The following MATN2 variants were observed in gnomAD, a reference collection of about 807,000 sequenced individuals.
The protein encoded by MATN2 is matrilin 2, also known as matrilin-2.
A neutral mutation model predicts 103.2 loss-of-function variants in MATN2; 69 were observed. The ratio of observed to expected loss-of-function variants is 0.67; its 90% CI spans 0.55 to 0.82. The LOEUF is 0.82. MATN2 is among the 40% of genes least tolerant of loss of function. The pLI is 0.00. For synonymous variants in MATN2, 429 were observed against 450.2 expected, an observed-to-expected ratio of 0.95 and a Z score of 0.60; for missense variants, 1,023 against 1,211.5, an observed-to-expected ratio of 0.84 and a Z score of 2.31.
chr8:97,873,230 A>G (rs1817958256), intron 1 of MATN2, among the ~76,000 whole-genome samples: 1 of 152,256 alleles, frequency 6.6e-6, no homozygotes, highest in Admixed American at 6.5e-5. Flanking sequence ...TTTAGAAAAA[A>G]GAAAGAAATA....
chr8:97,981,017 A>C (rs190652810), intron 6 of MATN2, among the ~76,000 whole-genome samples: 1 of 149,248 alleles, frequency 6.7e-6, no homozygotes, highest in Non-Finnish European at 1.5e-5. Flanking sequence ...TTCTACAAAA[A>C]CTGTTTTTTT....
chr8:97,917,055 T>C (rs905895533), intron 2 of MATN2, among the ~76,000 whole-genome samples: 5 of 152,282 alleles, frequency 3.3e-5, no homozygotes, highest in Admixed American at 2.0e-4. Flanking sequence ...AAATTTGAGC[T>C]GGTGTGAACC....
chr8:97,964,029 G>A (rs1811401777), intron 5 of MATN2, among the ~76,000 whole-genome samples: 1 of 152,184 alleles, frequency 6.6e-6, no homozygotes, highest in African/African-American at 2.4e-5. Context: ...AGATCTGAGT[G>A]TGGAAGGAAG....
intron 6 of MATN2, among the ~76,000 whole-genome samples, chr8:97,991,394 C>T (rs1293432623): frequency 6.6e-6 from 1 of 152,200 alleles, no homozygotes; most frequent in African/African-American, 2.4e-5. Context: ...GCTGGGACTA[C>T]AGGCAGGTGC....
At chr8:97,986,317 G>C (rs1024175963) in intron 6 of MATN2, among the ~76,000 whole-genome samples, 3 of 152,104 alleles carry the variant, frequency 2.0e-5, no homozygotes, top group Non-Finnish European at 4.4e-5. Context: ...GATTTCAATA[G>C]GTTTTTGGGG....
At chr8:97,959,737 T>A (rs1563692169) in intron 4 of MATN2, among the ~76,000 whole-genome samples, 3 of 152,246 alleles carry the variant, frequency 2.0e-5, no homozygotes, top group Non-Finnish European at 4.4e-5. Context: ...TAAGTTTTAA[T>A]GTTTAAAATT....
intron 2 of MATN2, among the ~76,000 whole-genome samples, chr8:97,896,545 A>G (rs1272855545): frequency 7.1e-6 from 1 of 140,896 alleles, no homozygotes; most frequent in Non-Finnish European, 1.6e-5. Flanking sequence ...GTTCAGGCAG[A>G]ACAGTGGGCT....
intron 5 of MATN2, among the ~76,000 whole-genome samples, chr8:97,966,505 A>AT (rs996818091): frequency 1.8e-4 from 27 of 151,954 alleles, no homozygotes; most frequent in Admixed American, 3.9e-4. Context: ...TGTTGAGACT[A>AT]TAGTGAGCCA....
intron 1 of MATN2, among the ~76,000 whole-genome samples, chr8:97,874,445 G>A (rs1329255927): frequency 7.0e-6 from 1 of 143,702 alleles, no homozygotes; most frequent in African/African-American, 2.6e-5. Flanking sequence ...TTGCTCTGTC[G>A]CCCGGGCTAT....
intron 5 of MATN2, 81 bp from the exon 6 acceptor site, chr8:97,978,805 T>C: frequency 3.1e-6 from 4 of 1,271,374 alleles, no homozygotes; most frequent in Non-Finnish European, 3.4e-6. Context: ...AATTAATATC[T>C]GTTATCATTT....
At chr8:98,002,322 C>T (rs10955140) in intron 7 of MATN2, among the ~76,000 whole-genome samples, 94,596 of 152,122 alleles carry the variant, frequency 0.62, 30,144 homozygotes, top group African/African-American at 0.71. Context: ...TCCAGTCCCA[C>T]GATACTATGC....
chr8:97,998,133 T>TA (rs1812652688), intron 7 of MATN2, among the ~76,000 whole-genome samples: 1 of 151,194 alleles, frequency 6.6e-6, no homozygotes, highest in Non-Finnish European at 1.5e-5. Context: ...AAGGGTGGTA[T>TA]TTGAATAGCT....
chr8:97,971,545 T>G (rs777922067), intron 5 of MATN2, among the ~76,000 whole-genome samples: 29 of 152,232 alleles, frequency 1.9e-4, no homozygotes, highest in Non-Finnish European at 4.1e-4. Flanking sequence ...CCTGAATTTA[T>G]AATTCATCAG....
In MATN2 at chr8:98,032,337, GT is replaced by G. The variant is rs1563738456; in HGVS notation, c.2581+25del. 7.5e-6 allele frequency: 12 copies of G among 1,594,326 alleles called. No homozygotes were observed. The highest frequency in any genetic ancestry group is 2.3e-5 in the East Asian group (1 of 44,204). On this transcript the variant is annotated intron_variant, in intron 16 of 18. Transcript: ENST00000254898. ...CAACAGGTACAGTTTTTAAGGCAGTGTTTTTAGAAATTTTGGTGGAGGGAAC... is the reference window on the plus strand; with the variant it reads ...CAACAGGTACAGTTTTTAAGGCAGTGTTTTAGAAATTTTGGTGGAGGGAAC...
intron 5 of MATN2, among the ~76,000 whole-genome samples, chr8:97,976,402 C>G (rs1324792742): frequency 6.6e-6 from 1 of 152,202 alleles, no homozygotes; most frequent in African/African-American, 2.4e-5. Context: ...AGCCACCATG[C>G]CTGGCCTAGA....
intron 2 of MATN2, among the ~76,000 whole-genome samples, chr8:97,895,058 A>G (rs1204686308): frequency 1.3e-5 from 2 of 152,056 alleles, no homozygotes. Context: ...TTTTTAGTAG[A>G]GACGGGGTTT....
In MATN2 at chr8:98,005,388, C is replaced by T. The variant is rs764725216; in HGVS notation, c.1327+1605C>T. Among the ~76,000 whole-genome samples, 3 of 152,068 alleles carry T rather than the reference C, an allele frequency of 2.0e-5. No homozygotes were observed. Among genetic ancestry groups the T allele is most frequent in the South Asian group, 2.1e-4 (1 of 4,818 alleles). On this transcript the variant is annotated intron_variant, in intron 8 of 18. Coordinates refer to ENST00000254898, the MANE Select transcript of MATN2 (RefSeq NM_002380.5). This position sits in a 1 kb window ranked among gnomAD's most constrained non-coding sequence, Gnocchi z 4.6. ...ATCTGTGTGTATCCTGCCTGTTTCC[C>T]GGAGTGTCAGGTCTGCCAGCTGATG... is the stretch of plus-strand genomic sequence containing the variant.
At chr8:97,898,441 C>CA (rs998756823) in intron 2 of MATN2, among the ~76,000 whole-genome samples, 27 of 151,866 alleles carry the variant, frequency 1.8e-4, no homozygotes, top group African/African-American at 5.1e-4. Flanking sequence ...ACTAAAAATA[C>CA]AAAAAATTAG....
At chr8:98,022,292 C>G (rs1813621877) in intron 13 of MATN2, among the ~76,000 whole-genome samples, 1 of 151,978 alleles carries the variant, frequency 6.6e-6, no homozygotes, top group Non-Finnish European at 1.5e-5. Context: ...CATACAGTCT[C>G]TCTTTCTCTA....
Sources: gnomAD v4.1 joint callset for allele counts (sites outside exome capture counted in the v4.1 genomes callset) on GRCh38, gnomAD v4.1.1 for gene constraint, Gnocchi (gnomAD v3.1) non-coding constraint, MANE v1.5 for transcripts, NCBI Gene and HGNC (gene_info 2026-07-23, HGNC 2026-07-21) for gene names.